UNC79: variants seen among roughly 807,000 people sequenced by gnomAD.
The protein encoded by UNC79 is unc-79 subunit of NALCN channel complex.
A neutral mutation model predicts 283.1 loss-of-function variants in UNC79; 37 were observed. That is an observed-to-expected ratio of 0.13 (90% CI 0.10 to 0.17). The LOEUF (loss-of-function observed/expected upper bound fraction) is 0.17. Ranked by LOEUF, UNC79 falls within the 10% of genes least tolerant of loss-of-function variation. UNC79 has a pLI of 1.00. For synonymous variants in UNC79, 1,107 were observed against 1,200.2 expected (o/e 0.92, Z 1.61); for missense variants, 2,272 against 3,211.1 (o/e 0.71, Z 7.07).
intron 1 of UNC79, among the ~76,000 whole-genome samples, chr14:93,370,508 C>T (rs1045302507): frequency 2.6e-5 from 4 of 152,224 alleles, no homozygotes; most frequent in African/African-American, 9.6e-5. Context: ...TGTGCTGGCT[C>T]ACGCCTGTAA....
chr14:93,521,455 T>C (rs556435130), intron 7 of UNC79, among the ~76,000 whole-genome samples: 5 of 152,112 alleles, frequency 3.3e-5, no homozygotes, highest in Admixed American at 3.3e-4. Flanking sequence ...CTGGCCTCTC[T>C]AAACTCCAGT....
intron 26 of UNC79, among the ~76,000 whole-genome samples, chr14:93,610,582 A>T (rs10146580): frequency 0.16 from 24,139 of 151,912 alleles, 2,084 homozygotes; most frequent in African/African-American, 0.2. Context: ...AAACAAATCT[A>T]GAGTAAATAT....
chr14:93,584,784 C>T (rs946729863), intron 20 of UNC79, among the ~76,000 whole-genome samples: 4 of 151,106 alleles, frequency 2.6e-5, no homozygotes, highest in African/African-American at 9.8e-5. Context: ...GCAACCTCCA[C>T]CTCCCAGGTT....
chr14:93,468,806 T>A (rs910286029), intron 2 of UNC79, among the ~76,000 whole-genome samples: 1 of 152,234 alleles, frequency 6.6e-6, no homozygotes, highest in African/African-American at 2.4e-5. Context: ...TCCTGTTCTA[T>A]ATTGAAGGGC....
At chr14:93,411,425 G>T in intron 1 of UNC79, among the ~76,000 whole-genome samples, 1 of 152,208 alleles carries the variant, frequency 6.6e-6, no homozygotes, top group Admixed American at 6.5e-5. Flanking sequence ...CCTGCTGATT[G>T]TAGAGCCCCA....
chr14:93,640,496 C>T (rs1486998906), intron 32 of UNC79, among the ~76,000 whole-genome samples: 4 of 152,098 alleles, frequency 2.6e-5, no homozygotes, highest in African/African-American at 7.2e-5. Flanking sequence ...GGCATTGTGG[C>T]GTGTGCCTGT....
At chr14:93,647,608 G>A (rs1480435229) in intron 35 of UNC79, among the ~76,000 whole-genome samples, 1 of 152,156 alleles carries the variant, frequency 6.6e-6, no homozygotes, top group Non-Finnish European at 1.5e-5. Context: ...AGCAGGTTGA[G>A]TATGAAAAAG....
intron 1 of UNC79, among the ~76,000 whole-genome samples, chr14:93,399,869 T>C (rs1566912734): frequency 1.3e-5 from 2 of 152,308 alleles, no homozygotes; most frequent in African/African-American, 2.4e-5. Context: ...AGGATATTCA[T>C]TAAGCAGCTA....
At chr14:93,392,046 G>A (rs1466714704) in intron 1 of UNC79, among the ~76,000 whole-genome samples, 1 of 152,148 alleles carries the variant, frequency 6.6e-6, no homozygotes, top group Non-Finnish European at 1.5e-5. Flanking sequence ...TGAAGATGAG[G>A]CAGTCCTGTG....
intron 47 of UNC79, 31 bp downstream of exon 50, chr14:93,694,443 T>A (rs1385819747): frequency 1.3e-6 from 2 of 1,574,360 alleles, no homozygotes; most frequent in Non-Finnish European, 1.7e-6. Flanking sequence ...TTAAAGACCA[T>A]TTCTTACTGC....
rs188927801 is a variant in UNC79, at chr14:93,567,008, A to T, written c.1756-4886A>T. Reference sequence around the variant, plus strand: ...AAGTTTAACCTAAAACTGCCTCCTTACATCCTTTGGCCTAAAACATACTTT... The same window carrying T: ...AAGTTTAACCTAAAACTGCCTCCTTTCATCCTTTGGCCTAAAACATACTTT... On this transcript the variant is annotated intron_variant, in intron 14 of 48. Transcript: ENST00000555664. Among the ~76,000 whole-genome samples the T allele has an allele frequency of 3.6e-3, 542 of 152,324 alleles. 3 individuals carry two copies. The highest frequency in any genetic ancestry group is 5.1e-3 in the Non-Finnish European group (346 of 68,020).
At chr14:93,386,707 TG>T (rs1447749337) in intron 1 of UNC79, among the ~76,000 whole-genome samples, 1 of 152,110 alleles carries the variant, frequency 6.6e-6, no homozygotes, top group Non-Finnish European at 1.5e-5. Flanking sequence ...TGTATGTGTC[TG>T]GGAATTTATC....
intron 4 of UNC79, among the ~76,000 whole-genome samples, chr14:93,481,673 C>T (rs2058149574): frequency 6.6e-6 from 1 of 152,026 alleles, no homozygotes; most frequent in Non-Finnish European, 1.5e-5. Context: ...CGTGACTTAC[C>T]ATTTTTTGTT....
chr14:93,429,695 A>G (rs142008698), upstream of UNC79, among the ~76,000 whole-genome samples: 169 of 152,148 alleles, frequency 1.1e-3, no homozygotes, highest in African/African-American at 3.7e-3. Context: ...GTCAACACTT[A>G]CCGTTTTGTT....
intron 22 of UNC79, among the ~76,000 whole-genome samples, chr14:93,587,320 A>AT (rs1280716961): frequency 1.3e-5 from 2 of 152,166 alleles, no homozygotes; most frequent in Non-Finnish European, 2.9e-5. Context: ...CTGATAAGTT[A>AT]TTTTTTAGAG....
At chr14:93,547,361 TA>T (rs2061650344) in intron 14 of UNC79, among the ~76,000 whole-genome samples, 1 of 152,214 alleles carries the variant, frequency 6.6e-6, no homozygotes, top group South Asian at 2.1e-4. Context: ...TATCTTTTTA[TA>T]GGTAAGAACA....
intron 1 of UNC79, among the ~76,000 whole-genome samples, chr14:93,456,488 C>T (rs188242147): frequency 1.6e-3 from 244 of 152,216 alleles, no homozygotes; most frequent in Middle Eastern, 3.4e-3. Context: ...CTCAGGGCCT[C>T]TTCTCTGTGG....
At chr14:93,414,473 T>A (rs1208301091) in intron 1 of UNC79, among the ~76,000 whole-genome samples, 1 of 152,226 alleles carries the variant, frequency 6.6e-6, no homozygotes, top group Non-Finnish European at 1.5e-5. Context: ...TGCCTCCAGC[T>A]TTGTTCTTTT....
intron 7 of UNC79, among the ~76,000 whole-genome samples, chr14:93,513,821 C>G (rs1346727778): frequency 6.6e-6 from 1 of 152,196 alleles, no homozygotes; most frequent in Non-Finnish European, 1.5e-5. Flanking sequence ...CTGCCCTTCT[C>G]TTCCCAAGGA....
Sources: allele counts gnomAD v4.1 joint callset (sites outside exome capture counted in the v4.1 genomes callset), GRCh38; gene constraint gnomAD v4.1.1; transcripts MANE v1.5; gene names NCBI Gene and HGNC (gene_info 2026-07-23, HGNC 2026-07-21).